IMMP2L: variants seen among roughly 807,000 people sequenced by gnomAD.
IMMP2L encodes the protein mitochondrial inner membrane protease subunit 2.
A neutral mutation model predicts 19.3 loss-of-function variants in IMMP2L; 18 were observed. The observed-to-expected ratio is 0.93, with a 90% confidence interval of 0.64 to 1.38. IMMP2L has a LOEUF of 1.38. Among genes scored for constraint, IMMP2L ranks in the 40% most tolerant of loss-of-function variants. IMMP2L has a pLI of 0.00. For missense variants in IMMP2L, 233 were observed against 218.2 expected (o/e 1.07, Z -0.43); for synonymous variants, 76 against 73.0 (o/e 1.04, Z -0.21).
intron 5 of IMMP2L, among the ~76,000 whole-genome samples, chr7:110,700,084 A>G (rs1794168726): frequency 6.6e-6 from 1 of 152,214 alleles, no homozygotes; most frequent in Non-Finnish European, 1.5e-5. Flanking sequence ...CACTTTGATT[A>G]TAGCCTTGTG....
intron 5 of IMMP2L, 108 bp downstream of exon 5, chr7:110,886,485 A>C (rs1325421401): frequency 3.1e-6 from 2 of 654,532 alleles, no homozygotes; most frequent in Non-Finnish European, 5.5e-6. Context: ...TTCCAGTATA[A>C]ATTTCATGAT....
intron 5 of IMMP2L, among the ~76,000 whole-genome samples, chr7:110,725,099 C>A (rs1305946336): frequency 6.6e-6 from 1 of 152,166 alleles, no homozygotes; most frequent in African/African-American, 2.4e-5. Flanking sequence ...ATGGTATCCT[C>A]AAAGTCTTTA....
intron 3 of IMMP2L, among the ~76,000 whole-genome samples, chr7:111,022,290 T>C (rs1390037294): frequency 6.6e-6 from 1 of 152,138 alleles, no homozygotes; most frequent in Non-Finnish European, 1.5e-5. Flanking sequence ...ATAGCAGAAA[T>C]GTAGCTCTGG....
At chr7:111,458,157 T>C (rs1055729209) in intron 3 of IMMP2L, among the ~76,000 whole-genome samples, 1 of 152,094 alleles carries the variant, frequency 6.6e-6, no homozygotes, top group Non-Finnish European at 1.5e-5. Context: ...GGCAGGTGGG[T>C]CACTGGAGGT....
At chr7:110,744,646 C>A (rs1295281163) in intron 5 of IMMP2L, among the ~76,000 whole-genome samples, 1 of 152,190 alleles carries the variant, frequency 6.6e-6, no homozygotes, top group Non-Finnish European at 1.5e-5. Flanking sequence ...AGCAGACCTG[C>A]AGCAGAGAGG....
chr7:111,104,478 T>A (rs1190954527), intron 3 of IMMP2L, among the ~76,000 whole-genome samples: 1 of 151,870 alleles, frequency 6.6e-6, no homozygotes, highest in African/African-American at 2.4e-5. Flanking sequence ...TAGTAACTAA[T>A]ACCATCACTT....
At chr7:111,478,548 C>T (rs1040666956) in intron 3 of IMMP2L, among the ~76,000 whole-genome samples, 1 of 146,690 alleles carries the variant, frequency 6.8e-6, no homozygotes, top group Admixed American at 6.8e-5. Context: ...GCATGCAACA[C>T]CATGCCCAGC....
intron 1 of IMMP2L, among the ~76,000 whole-genome samples, chr7:111,554,157 T>C (rs1164877875): frequency 6.6e-6 from 1 of 152,150 alleles, no homozygotes; most frequent in Non-Finnish European, 1.5e-5. Context: ...TTTGAAAATA[T>C]CACTGCCTGG....
chr7:111,222,919 C>G (rs2129621031), intron 3 of IMMP2L, among the ~76,000 whole-genome samples: 1 of 151,796 alleles, frequency 6.6e-6, no homozygotes, highest in East Asian at 1.9e-4. Context: ...TGAAAAGAAC[C>G]TACACAGCCA....
chr7:110,703,628 A>G (rs746331463), intron 5 of IMMP2L, among the ~76,000 whole-genome samples: 1 of 152,216 alleles, frequency 6.6e-6, no homozygotes, highest in Admixed American at 6.5e-5. Context: ...AGTATGAGCT[A>G]TGAAAAGCAA....
chr7:110,665,410 A>G (rs1438791556), intron 5 of IMMP2L, among the ~76,000 whole-genome samples: 1 of 152,226 alleles, frequency 6.6e-6, no homozygotes. Context: ...TATGAACATG[A>G]TACCATTATT....
chr7:111,460,790 T>C (rs1328588066), intron 3 of IMMP2L, among the ~76,000 whole-genome samples: 1 of 152,028 alleles, frequency 6.6e-6, no homozygotes, highest in Admixed American at 6.6e-5. Flanking sequence ...TACCATAATA[T>C]TAATTAATGG....
chr7:110,666,165 G>A (rs140244793), intron 5 of IMMP2L, among the ~76,000 whole-genome samples: 140 of 152,116 alleles, frequency 9.2e-4, no homozygotes, highest in African/African-American at 3.1e-3. Context: ...GTATTTTAGC[G>A]CTACCTTACT....
chr7:111,471,383 G>GTC, intron 3 of IMMP2L, among the ~76,000 whole-genome samples: 1 of 152,110 alleles, frequency 6.6e-6, no homozygotes, highest in Non-Finnish European at 1.5e-5. Flanking sequence ...TGACTCTAAA[G>GTC]TCTCTAAATT....
At chr7:110,986,923 G>C (rs2129558903) in intron 3 of IMMP2L, among the ~76,000 whole-genome samples, 1 of 151,652 alleles carries the variant, frequency 6.6e-6, no homozygotes, top group Admixed American at 6.6e-5. Flanking sequence ...TTTTCTTCTT[G>C]GGTCACCTAT....
chr7:110,849,028 T>G (rs1248987467), intron 5 of IMMP2L, among the ~76,000 whole-genome samples: 2 of 152,106 alleles, frequency 1.3e-5, no homozygotes, highest in African/African-American at 4.8e-5. Flanking sequence ...ACCCATAGAA[T>G]GTACACAACC....
intron 3 of IMMP2L, among the ~76,000 whole-genome samples, chr7:111,319,614 A>G (rs1348441486): frequency 6.6e-6 from 1 of 152,158 alleles, no homozygotes; most frequent in Non-Finnish European, 1.5e-5. Flanking sequence ...TTTGGTTTCA[A>G]AGATCAGCCC....
chr7:111,269,885 A>T (rs781596399), intron 3 of IMMP2L, among the ~76,000 whole-genome samples: 25 of 152,138 alleles, frequency 1.6e-4, no homozygotes, highest in Non-Finnish European at 4.4e-5. Context: ...TGCTCTAAGG[A>T]GAAGCTCTTA....
rs1286477118 is a variant in IMMP2L at position 111,387,169 on chromosome 7, C to A, written c.239+100069G>T. Among the ~76,000 whole-genome samples the A allele has an allele frequency of 4.6e-5, 7 of 152,106 alleles. 1 individual carries two copies. In the East Asian group the frequency reaches 1.3e-3, roughly 29 times the overall value. On this transcript the variant is annotated intron_variant, in intron 3 of 5. Transcript: ENST00000405709. ...ATGAGGTTCCTGCAGATAACATTTA[C>A]CCACAGGATTTGAGGCTTTTTTGTG... is the stretch of plus-strand genomic sequence containing the variant.
Sources: allele counts gnomAD v4.1 joint callset (sites outside exome capture counted in the v4.1 genomes callset), GRCh38; gene constraint gnomAD v4.1.1; transcripts MANE v1.5; gene names NCBI Gene and HGNC (gene_info 2026-07-23, HGNC 2026-07-21).